Variants in AKAP6 observed in about 807,000 individuals in gnomAD.
The protein encoded by AKAP6 is A-kinase anchoring protein 6.
A neutral mutation model predicts 188.5 loss-of-function variants in AKAP6; 58 were observed. The observed-to-expected ratio is 0.31, with a 90% confidence interval of 0.25 to 0.38. AKAP6 has a LOEUF of 0.38. AKAP6 is among the 10% of genes least tolerant of loss of function. The pLI is 1.00. For missense variants in AKAP6, 2,710 were observed against 2,740.0 expected, an observed-to-expected ratio of 0.99 and a Z score of 0.24; for synonymous variants, 989 against 998.6, an observed-to-expected ratio of 0.99 and a Z score of 0.18.
intron 2 of AKAP6, among the ~76,000 whole-genome samples, chr14:32,487,393 G>A (rs2138929111): frequency 6.6e-6 from 1 of 152,222 alleles, no homozygotes; most frequent in East Asian, 1.9e-4. Flanking sequence ...AGCTCCATCA[G>A]GTCATTTATG....
At chr14:32,454,125 A>G (rs1594630022) in intron 2 of AKAP6, among the ~76,000 whole-genome samples, 2 of 152,190 alleles carry the variant, frequency 1.3e-5, no homozygotes, top group Non-Finnish European at 2.9e-5. Context: ...AAAACAAACC[A>G]GATGGCCAAG....
At chr14:32,608,414 C>T (rs1407497955) in intron 7 of AKAP6, among the ~76,000 whole-genome samples, 1 of 149,734 alleles carries the variant, frequency 6.7e-6, no homozygotes, top group East Asian at 2.0e-4. Context: ...GCAGGAGGAT[C>T]GCTTGAACCT....
intron 11 of AKAP6, among the ~76,000 whole-genome samples, chr14:32,742,615 C>A (rs988819602): frequency 1.3e-5 from 2 of 151,808 alleles, no homozygotes; most frequent in East Asian, 3.9e-4. Context: ...TTCTTAATTT[C>A]TTTATTGACC....
In AKAP6 at chr14:32,830,176, G is replaced by A. The variant is rs2034792046; in HGVS notation, c.*371G>A. 2 of 518,118 alleles carry A rather than the reference G, an allele frequency of 3.9e-6. No individual in the cohort carries two copies. The highest frequency in any genetic ancestry group is 6.8e-6 in the Non-Finnish European group (2 of 293,828). 32.1% of individuals were successfully genotyped at this position (518,118 alleles called of 1,614,324 possible). A position where few individuals can be genotyped will look rare whatever the true frequency, so the allele number is the denominator to read the frequency against. ...TTAAAGTTCTGCAGTTCACCAACTGGTAGTCCATTAAATTCTCCTGTCTAG... is the reference window on the plus strand; with the variant it reads ...TTAAAGTTCTGCAGTTCACCAACTGATAGTCCATTAAATTCTCCTGTCTAG... On this transcript the variant is annotated 3_prime_UTR_variant, in exon 14 of 14. Coordinates refer to ENST00000280979, the MANE Select transcript of AKAP6 (RefSeq NM_004274.5).
intron 1 of AKAP6, among the ~76,000 whole-genome samples, chr14:32,346,465 ACT>A (rs1887069102): frequency 6.6e-6 from 1 of 152,172 alleles, no homozygotes; most frequent in African/African-American, 2.4e-5. Context: ...CTTCCCAAAA[ACT>A]CTGTGGGATA....
chr14:32,715,517 C>T (rs1259535911), intron 9 of AKAP6, among the ~76,000 whole-genome samples: 1 of 151,934 alleles, frequency 6.6e-6, no homozygotes, highest in Non-Finnish European at 1.5e-5. Flanking sequence ...TGCTAGTCTT[C>T]TTAGAAAGTC....
rs9322896 is a variant in AKAP6 at position 32,347,249 on chromosome 14, A to G, written c.-35+17841A>G. Among the ~76,000 whole-genome samples, 64 of 152,288 alleles carry G rather than the reference A, an allele frequency of 4.2e-4. No homozygotes were observed. The South Asian group carries it at 5.8e-3, about 14-fold the overall frequency. The stretch of plus-strand genomic sequence containing the variant: ...CAAGGGTACAAAGTTGAGGCATCAG[A>G]GAAGTCTTGCCCTTTTTTCTTACAC... On this transcript the variant is annotated intron_variant, in intron 1 of 13. Coordinates refer to ENST00000280979, the MANE Select transcript of AKAP6 (RefSeq NM_004274.5).
rs1017895886 is a variant in AKAP6, at chr14:32,545,624, G to A, written c.971G>A (p.Gly324Glu). Reference protein sequence around the residue: ...AVEEQPGLTLGVSSSSGEALT... With the variant: ...AVEEQPGLTLEVSSSSGEALT... ...GAAGAGCAACCAGGCTTAACACTGG[G>A]GGTGTCATCATCTTCAGGAGAAGCT... The change falls in exon 4 of 14, where the codon GGG (glycine) becomes GAG (glutamate). Residue 324 changes from glycine (G) to glutamate (E), a missense_variant. Around this residue, in one of 2 missense-constraint regions of AKAP6, gnomAD observed 2,473 missense variants for 2,426.1 expected, o/e 1.02. Transcript: ENST00000280979. The A allele has an allele frequency of 1.9e-6, 3 of 1,614,158 alleles. No individual in the cohort carries two copies. The highest frequency in any genetic ancestry group is 2.2e-5 in the East Asian group (1 of 44,882).
At chr14:32,396,297 T>A (rs1247405010) in intron 1 of AKAP6, among the ~76,000 whole-genome samples, 2 of 152,178 alleles carry the variant, frequency 1.3e-5, no homozygotes, top group African/African-American at 4.8e-5. Context: ...CACTGCCATG[T>A]CAAGAGCAGA....
At chr14:32,660,936 C>A (rs747557080) in intron 7 of AKAP6, among the ~76,000 whole-genome samples, 8 of 43,970 alleles carry the variant, frequency 1.8e-4, no homozygotes, top group African/African-American at 5.3e-4. Context: ...CCCCCCCCCT[C>A]CCAATTCCAG....
At chr14:32,801,187 T>C (rs538504118) in intron 12 of AKAP6, among the ~76,000 whole-genome samples, 20 of 152,350 alleles carry the variant, frequency 1.3e-4, no homozygotes, top group Admixed American at 9.2e-4. Flanking sequence ...AGTAACTATG[T>C]TTATTCATTG....
chr14:32,531,772 T>A (rs1024878220), intron 2 of AKAP6, among the ~76,000 whole-genome samples: 1 of 152,232 alleles, frequency 6.6e-6, no homozygotes, highest in Non-Finnish European at 1.5e-5. Flanking sequence ...CTTCTTTCAC[T>A]TAGTGTAATG....
At chr14:32,461,187 T>C (rs1161240117) in intron 2 of AKAP6, among the ~76,000 whole-genome samples, 1 of 152,102 alleles carries the variant, frequency 6.6e-6, no homozygotes, top group Non-Finnish European at 1.5e-5. Flanking sequence ...CAGCTGATCC[T>C]GACAAGAGGG....
intron 7 of AKAP6, among the ~76,000 whole-genome samples, chr14:32,676,778 A>G (rs12433210): frequency 0.25 from 37,954 of 152,106 alleles, 5,993 homozygotes; most frequent in East Asian, 0.52. Context: ...AAGTACTTAT[A>G]AAAAGCAACA....
chr14:32,687,400 A>ATCTCTCTC (rs71115092), intron 8 of AKAP6, among the ~76,000 whole-genome samples: 131 of 128,964 alleles, frequency 1.0e-3, no homozygotes, highest in Middle Eastern at 4.3e-3. Flanking sequence ...CATACTAACT[A>ATCTCTCTC]TCTCTCTCTC....
At chr14:32,557,198 C>A (rs564770484) in intron 4 of AKAP6, among the ~76,000 whole-genome samples, 1 of 152,200 alleles carries the variant, frequency 6.6e-6, no homozygotes, top group African/African-American at 2.4e-5. Context: ...TTGATCTTCC[C>A]ACCTCAGCCT....
At chr14:32,740,619 T>TG (rs2031629268) in intron 11 of AKAP6, among the ~76,000 whole-genome samples, 1 of 152,128 alleles carries the variant, frequency 6.6e-6, no homozygotes, top group Admixed American at 6.6e-5. Flanking sequence ...CACCATTTAT[T>TG]GAAGAGACTG....
chr14:32,395,073 A>ACTGG (rs58973987), intron 1 of AKAP6, among the ~76,000 whole-genome samples: 17,362 of 151,928 alleles, frequency 0.11, 1,417 homozygotes, highest in South Asian at 0.23. Flanking sequence ...CTGCCCTCCT[A>ACTGG]GCCTTTTCCC....
chr14:32,797,621 G>A, intron 12 of AKAP6, among the ~76,000 whole-genome samples: 1 of 126,466 alleles, frequency 7.9e-6, no homozygotes, highest in Middle Eastern at 3.4e-3. Flanking sequence ...GGGCCTTTCA[G>A]AGGGCAGTGA....
Sources: allele counts gnomAD v4.1 joint callset (sites outside exome capture counted in the v4.1 genomes callset), GRCh38; gene constraint gnomAD v4.1.1; regional missense constraint gnomAD v4.1.1; transcripts MANE v1.5; gene names NCBI Gene and HGNC (gene_info 2026-07-23, HGNC 2026-07-21).